FOXN3: variants seen among roughly 807,000 people sequenced by gnomAD.
FOXN3 encodes forkhead box protein N3.
Under a neutral mutation model 38.4 loss-of-function variants are expected in FOXN3, and 7 were observed. The observed-to-expected ratio is 0.18, with a 90% CI of 0.10 to 0.34. The LOEUF is 0.34. Among genes scored for constraint, FOXN3 ranks in the 10% least tolerant of loss-of-function variants. The probability of loss-of-function intolerance (pLI) is 1.00; values close to 1 mark genes in which losing one functional copy is unlikely to be tolerated. For missense variants in FOXN3, 456 were observed against 613.4 expected, an observed-to-expected ratio of 0.74 and a Z score of 2.71; for synonymous variants, 230 against 242.2, an observed-to-expected ratio of 0.95 and a Z score of 0.47.
intron 4 of FOXN3, among the ~76,000 whole-genome samples, chr14:89,186,543 G>A (rs1372671017): frequency 6.6e-6 from 1 of 152,146 alleles, no homozygotes; most frequent in Non-Finnish European, 1.5e-5. Flanking sequence ...TTTTGAGGGT[G>A]GAGAGGGTGG....
chr14:89,563,772 C>G (rs1392249950), intron 1 of FOXN3, among the ~76,000 whole-genome samples: 1 of 152,118 alleles, frequency 6.6e-6, no homozygotes, highest in African/African-American at 2.4e-5. Context: ...GAAATACTGA[C>G]AGCAGGAAAT....
At chr14:89,265,033 T>C (rs914935108) in intron 4 of FOXN3, among the ~76,000 whole-genome samples, 4 of 152,208 alleles carry the variant, frequency 2.6e-5, no homozygotes, top group African/African-American at 7.2e-5. Flanking sequence ...AATTATTATT[T>C]GGATTTTCCA....
chr14:89,498,850 A>G lies in FOXN3; in HGVS notation c.-14-86360T>C, dbSNP rs114012926. ...GAGGGTGGGGGGAACTGGGTGCTTTATAAGGATGCTCCAACTCACAAGTCA... is the reference window on the plus strand; with the variant it reads ...GAGGGTGGGGGGAACTGGGTGCTTTGTAAGGATGCTCCAACTCACAAGTCA... On this transcript the variant is annotated intron_variant, in intron 1 of 6. Transcript: ENST00000345097. Among the ~76,000 whole-genome samples, 1,344 of 152,152 alleles carry G rather than the reference A, an allele frequency of 8.8e-3. 29 individuals carry two copies. Among genetic ancestry groups the G allele is most frequent in the African/African-American group, 0.031 (1,300 of 41,464 alleles).
chr14:89,570,558 G>A (rs1192049589), intron 1 of FOXN3, among the ~76,000 whole-genome samples: 1 of 152,164 alleles, frequency 6.6e-6, no homozygotes, highest in Non-Finnish European at 1.5e-5. Context: ...TGGAATAGCT[G>A]AGTAGGATGG....
intron 1 of FOXN3, among the ~76,000 whole-genome samples, chr14:89,524,392 A>AG (rs1894389263): frequency 1.0e-5 from 1 of 97,460 alleles, no homozygotes; most frequent in Non-Finnish European, 1.9e-5. Context: ...AAAAAAAAAA[A>AG]AAAAAAAAAA....
chr14:89,605,694 ATATAT>A (rs1011922299), intron 1 of FOXN3, among the ~76,000 whole-genome samples: 9 of 152,290 alleles, frequency 5.9e-5, no homozygotes, highest in African/African-American at 1.9e-4. Context: ...ATTAGAAAAA[ATATAT>A]TATGTTTTTG....
intron 4 of FOXN3, among the ~76,000 whole-genome samples, chr14:89,199,418 G>A (rs1368574376): frequency 2.0e-5 from 3 of 152,188 alleles, no homozygotes; most frequent in African/African-American, 7.2e-5. Flanking sequence ...AACACCAAGA[G>A]GGGCCTTTCT....
chr14:89,576,543 A>AC (rs1226323775), intron 1 of FOXN3: 1 of 151,894 alleles, frequency 6.6e-6, no homozygotes, highest in Non-Finnish European at 1.5e-5. Context: ...CCTACAAAAA[A>AC]AAAAAAACCC....
At chr14:89,373,351 G>A (rs1276709459) in intron 2 of FOXN3, among the ~76,000 whole-genome samples, 1 of 151,914 alleles carries the variant, frequency 6.6e-6, no homozygotes, top group Admixed American at 6.6e-5. Flanking sequence ...GTGGGGTGCT[G>A]GTTACCTTCC....
chr14:89,353,618 A>G (rs185897774), intron 2 of FOXN3: 2 of 152,366 alleles, frequency 1.3e-5, no homozygotes, highest in South Asian at 2.1e-4. Flanking sequence ...GGAAGCTACT[A>G]TCACTGACTC....
intron 1 of FOXN3, among the ~76,000 whole-genome samples, chr14:89,483,706 C>T (rs926719745): frequency 2.6e-5 from 4 of 152,180 alleles, no homozygotes; most frequent in African/African-American, 4.8e-5. Context: ...CTGCACCTGG[C>T]CTGGGTGTAC....
intron 4 of FOXN3, among the ~76,000 whole-genome samples, chr14:89,243,266 A>C (rs879323170): frequency 6.6e-6 from 1 of 152,254 alleles, no homozygotes; most frequent in Non-Finnish European, 1.5e-5. Context: ...GACCCAGAGC[A>C]AGTAACTCAG....
At chr14:89,307,331 C>T (rs972884153) in intron 3 of FOXN3, among the ~76,000 whole-genome samples, 3 of 152,196 alleles carry the variant, frequency 2.0e-5, no homozygotes, top group African/African-American at 7.2e-5. Flanking sequence ...ACTAATGGAA[C>T]AATCTGAGGC....
upstream of FOXN3, among the ~76,000 whole-genome samples, chr14:89,420,339 G>T (rs1299982446): frequency 6.6e-6 from 1 of 152,198 alleles, no homozygotes; most frequent in Non-Finnish European, 1.5e-5. Flanking sequence ...TGAGACAAGG[G>T]ACATGGTGAA....
chr14:89,581,019 C>CA (rs57120573), intron 1 of FOXN3, among the ~76,000 whole-genome samples: 57 of 144,536 alleles, frequency 3.9e-4, no homozygotes, highest in African/African-American at 8.6e-4. Context: ...CTCATCTCTA[C>CA]AAAAAAAAAA....
chr14:89,466,425 G>A (rs761642311), intron 1 of FOXN3, among the ~76,000 whole-genome samples: 8 of 152,052 alleles, frequency 5.3e-5, no homozygotes, highest in East Asian at 1.9e-4. Context: ...TATGTTTTTC[G>A]TGCCAGTTGC....
intron 3 of FOXN3, among the ~76,000 whole-genome samples, chr14:89,346,973 G>T (rs1315985112): frequency 5.3e-5 from 8 of 152,100 alleles, no homozygotes; most frequent in African/African-American, 1.4e-4. Context: ...GCTACTAGGA[G>T]CAACTTCAGG....
At position 89,316,652 on chromosome 14, in the gene FOXN3, C is replaced by T. The variant is rs528392186; in HGVS notation, c.680+34020G>A. On this transcript the variant is annotated intron_variant, in intron 3 of 5. Coordinates refer to ENST00000557258, the MANE Select transcript of FOXN3 (RefSeq NM_005197.4). ...CTGGGATTACAGGCATGAGCCACTG[C>T]GCCCAGCCTATGATGAATTTTTTTT... is the stretch of plus-strand genomic sequence containing the variant. Among the ~76,000 whole-genome samples, 68 of 150,910 alleles carry T rather than the reference C, an allele frequency of 4.5e-4. No individual in the cohort carries two copies. In the South Asian group the frequency reaches 0.013, roughly 30 times the overall value.
At chr14:89,281,343 T>G (rs1160708098) in intron 3 of FOXN3, among the ~76,000 whole-genome samples, 1 of 152,184 alleles carries the variant, frequency 6.6e-6, no homozygotes, top group East Asian at 1.9e-4. Context: ...CTATTCATAA[T>G]TTCATGAATG....
Sources: gnomAD v4.1 joint callset for allele counts (sites outside exome capture counted in the v4.1 genomes callset) on GRCh38, gnomAD v4.1.1 for gene constraint, MANE v1.5 for transcripts, NCBI Gene and HGNC (gene_info 2026-07-23, HGNC 2026-07-21) for gene names.